Variants in ZNF83 observed in about 807,000 individuals in gnomAD.
ZNF83 encodes zinc finger protein 816B.
For missense variants in ZNF83, 552 were observed against 629.9 expected, an observed-to-expected ratio of 0.88 and a Z score of 1.32; for synonymous variants, 209 against 213.0, an observed-to-expected ratio of 0.98 and a Z score of 0.17.
At chr19:52,625,593 A>C (rs2060708800) in intron 2 of ZNF83, among the ~76,000 whole-genome samples, 1 of 152,162 alleles carries the variant, frequency 6.6e-6, no homozygotes, top group African/African-American at 2.4e-5. Context: ...GGGGCCTTCC[A>C]GCTCCGTATT....
chr19:52,655,580 G>T (rs979190142), exon 3 of ZNF83: 11 of 1,501,988 alleles, frequency 7.3e-6, no homozygotes, highest in Non-Finnish European at 1.0e-5. Flanking sequence ...CCAGGTTCCT[G>T]TAGTTCTCCA....
chr19:52,651,529 G>A (rs2061440107), intron 3 of ZNF83: 1 of 152,250 alleles, frequency 6.6e-6, no homozygotes, highest in Admixed American at 6.6e-5. Context: ...TCTCTGTGGA[G>A]AGGGACTATG....
intron 1 of ZNF83, among the ~76,000 whole-genome samples, chr19:52,683,364 T>G (rs1315370039): frequency 6.6e-6 from 1 of 152,146 alleles, no homozygotes; most frequent in Non-Finnish European, 1.5e-5. Flanking sequence ...GCCCTCGGGC[T>G]GCAGTTCACT....
intron 2 of ZNF83, among the ~76,000 whole-genome samples, chr19:52,615,431 G>T (rs1459359079): frequency 6.6e-6 from 1 of 152,148 alleles, no homozygotes; most frequent in African/African-American, 2.4e-5. Context: ...TCTGACATAT[G>T]ATAGACACAG....
At chr19:52,685,897 C>CAAAAAAAAAAAAAAAAAAAAAAAA (rs3055370) in intron 1 of ZNF83, among the ~76,000 whole-genome samples, 1 of 132,442 alleles carries the variant, frequency 7.6e-6, no homozygotes. Context: ...GTAACTGTCA[C>CAAAAAAAAAAAAAAAAAAAAAAAA]AAAAAAAAAA....
chr19:52,688,487 T>G (rs575389243), intron 1 of ZNF83, among the ~76,000 whole-genome samples: 1 of 152,106 alleles, frequency 6.6e-6, no homozygotes, highest in South Asian at 2.1e-4. Flanking sequence ...CTTTCTTCAT[T>G]ACTTTGCTTC....
intron 2 of ZNF83, among the ~76,000 whole-genome samples, chr19:52,656,339 T>G (rs1300618030): frequency 6.6e-6 from 1 of 151,842 alleles, no homozygotes; most frequent in Non-Finnish European, 1.5e-5. Flanking sequence ...CTGGGCTACA[T>G]TGTGAAACCC....
At chr19:52,635,215 A>G in intron 1 of ZNF83, 62 bp from the exon 2 acceptor site, 1 of 540,536 alleles carries the variant, frequency 1.9e-6, no homozygotes, top group African/African-American at 1.9e-5. Flanking sequence ...CTGTAACATA[A>G]CAACACATAC....
At position 52,653,134 on chromosome 19, in the gene ZNF83, TCATGA is replaced by T. The variant is rs1339312187; in HGVS notation, c.-74+2422_-74+2426del. Reference sequence around the variant, plus strand: ...ATTTCGAGCAAAGGTCTTGCCACACTCATGACAGTTGTAAGGTTTTTCTCCGGTAT... The same window carrying T: ...ATTTCGAGCAAAGGTCTTGCCACACTCAGTTGTAAGGTTTTTCTCCGGTAT... On this transcript the variant is annotated intron_variant, in intron 3 of 5. Transcript: ENST00000594682. The T allele has an allele frequency of 2.7e-6, 4 of 1,468,490 alleles. No individual in the cohort carries two copies. In the African/African-American group the frequency reaches 5.6e-5, roughly 20 times the overall value. 91.0% of individuals were successfully genotyped at this position (1,468,490 alleles called of 1,614,324 possible). A position where few individuals can be genotyped will look rare whatever the true frequency, so the allele number is the denominator to read the frequency against.
chr19:52,628,629 G>C (rs1053426581), intron 2 of ZNF83, among the ~76,000 whole-genome samples: 15 of 151,970 alleles, frequency 9.9e-5, no homozygotes, highest in African/African-American at 3.6e-4. Context: ...CGCCTGCCTT[G>C]GTCCTTCACC....
At position 52,680,166 on chromosome 19, in the gene ZNF83, G is replaced by A. The variant is rs1317023389; in HGVS notation, c.-283+10277C>T. Among the ~76,000 whole-genome samples, 6 of 152,066 alleles carry A rather than the reference G, an allele frequency of 3.9e-5. No homozygotes were observed. In the South Asian group the frequency reaches 1.0e-3, roughly 26 times the overall value. ...TGCACTCCACCCTGGACAACAAGAG[G>A]GAAACTGTCTCAAAAACAAACAAAC... On this transcript the variant is annotated intron_variant, in intron 1 of 5. Transcript: ENST00000594682.
chr19:52,631,590 C>T (rs1426554382), intron 2 of ZNF83, among the ~76,000 whole-genome samples: 1 of 152,224 alleles, frequency 6.6e-6, no homozygotes, highest in Admixed American at 6.5e-5. Flanking sequence ...TGTTAAGTCC[C>T]ACAATTACCA....
chr19:52,618,334 A>G (rs1217029489), intron 2 of ZNF83, among the ~76,000 whole-genome samples: 10 of 151,082 alleles, frequency 6.6e-5, no homozygotes, highest in Non-Finnish European at 1.0e-4. Flanking sequence ...ATCTCAGCTC[A>G]CTGCAAGCTC....
chr19:52,653,160 G>T (rs1050474218), intron 3 of ZNF83: 14 of 1,434,112 alleles, frequency 9.8e-6, no homozygotes, highest in Middle Eastern at 1.9e-4. Flanking sequence ...GTTTTTCTCC[G>T]GTATGAAGTC....
At chr19:52,637,045 T>A (rs891696431) in intron 1 of ZNF83, 1 of 152,382 alleles carries the variant, frequency 6.6e-6, no homozygotes, top group African/African-American at 2.4e-5. Flanking sequence ...TTTTCTTTTC[T>A]TTTTACCTGG....
At chr19:52,614,155 GCAAGGTTTGATTTTT>G in exon 3 of ZNF83, 4 of 1,614,050 alleles carry the variant, frequency 2.5e-6, no homozygotes, top group Non-Finnish European at 3.4e-6. Context: ...TTGATGACTT[GCAAGGTTTGATTTTT>G]TATTGAAGAT....
chr19:52,638,813 G>A (rs549789221), upstream of ZNF83, among the ~76,000 whole-genome samples: 40 of 152,284 alleles, frequency 2.6e-4, no homozygotes, highest in Non-Finnish European at 1.0e-4. Context: ...GGATGGGTGA[G>A]GTCACCACCT....
intron 3 of ZNF83, chr19:52,651,298 T>C (rs2061437868): frequency 6.6e-6 from 1 of 152,244 alleles, no homozygotes; most frequent in Non-Finnish European, 1.5e-5. Context: ...CACTTTTGAA[T>C]GGGAAGATTC....
chr19:52,652,502 T>G (rs1021748143), intron 3 of ZNF83: 2 of 448,642 alleles, frequency 4.5e-6, no homozygotes, highest in Non-Finnish European at 9.1e-6. Flanking sequence ...TGAATTCTCC[T>G]GTGTTTTGCA....
Sources: gnomAD v4.1 joint callset for allele counts (sites outside exome capture counted in the v4.1 genomes callset) on GRCh38, gnomAD v4.1.1 for gene constraint, MANE v1.5 for transcripts, NCBI Gene and HGNC (gene_info 2026-07-23, HGNC 2026-07-21) for gene names.